PPM1B: variants seen among roughly 807,000 people sequenced by gnomAD.
The protein encoded by PPM1B is protein phosphatase 1B.
Under a neutral mutation model 43.0 loss-of-function variants are expected in PPM1B, and 22 were observed. That is an observed-to-expected ratio of 0.51 (90% CI 0.37 to 0.73). The LOEUF (loss-of-function observed/expected upper bound fraction) is 0.73. Ranked by LOEUF, PPM1B falls within the 30% of genes least tolerant of loss-of-function variation. The pLI is 0.00. For synonymous variants in PPM1B, 217 were observed against 197.9 expected (o/e 1.10, Z -0.81); for missense variants, 632 against 584.2 (o/e 1.08, Z -0.84).
downstream of PPM1B, among the ~76,000 whole-genome samples, chr2:44,237,673 A>G (rs530327259): frequency 6.6e-6 from 1 of 152,130 alleles, no homozygotes; most frequent in South Asian, 2.1e-4. Context: ...GGCAACAGTG[A>G]TTTTTTTTAA....
chr2:44,183,562 C>T (rs1402493969), intron 1 of PPM1B, among the ~76,000 whole-genome samples: 3 of 152,172 alleles, frequency 2.0e-5, no homozygotes, highest in Non-Finnish European at 4.4e-5. Flanking sequence ...GCCTCCTCAT[C>T]ACCACCCAGT....
chr2:44,245,638 G>T (rs1224494503), downstream of PPM1B, among the ~76,000 whole-genome samples: 4 of 152,124 alleles, frequency 2.6e-5, no homozygotes, highest in Admixed American at 2.6e-4. Context: ...CTTAATTAAT[G>T]ACCTTTGTTA....
At chr2:44,203,458 C>T (rs1250876039) in intron 2 of PPM1B, among the ~76,000 whole-genome samples, 1 of 120,070 alleles carries the variant, frequency 8.3e-6, no homozygotes, top group East Asian at 2.5e-4. Context: ...ATGAAAACAG[C>T]ATTTTCCCCA....
chr2:44,209,460 T>G, intron 3 of PPM1B, 133 bp downstream of exon 3: 16 of 944,828 alleles, frequency 1.7e-5, no homozygotes, highest in Non-Finnish European at 2.4e-5. Context: ...AGAGGGAAAG[T>G]ATTCTTTTTG....
At chr2:44,219,474 T>C (rs867623275) in intron 5 of PPM1B, among the ~76,000 whole-genome samples, 5 of 152,112 alleles carry the variant, frequency 3.3e-5, no homozygotes, top group Admixed American at 6.5e-5. Context: ...CAATATAATA[T>C]GATTTCTTTT....
At chr2:44,211,165 A>T (rs1669448374) in intron 3 of PPM1B, among the ~76,000 whole-genome samples, 1 of 152,150 alleles carries the variant, frequency 6.6e-6, no homozygotes, top group Non-Finnish European at 1.5e-5. Context: ...ATTAACGTTG[A>T]TACAATATTA....
At chr2:44,177,705 A>C (rs982450338) in intron 1 of PPM1B, among the ~76,000 whole-genome samples, 1 of 151,554 alleles carries the variant, frequency 6.6e-6, no homozygotes, top group Admixed American at 6.6e-5. Context: ...GACATGAGCC[A>C]CCGCGCCCGG....
downstream of PPM1B, among the ~76,000 whole-genome samples, chr2:44,238,880 T>G (rs1185334748): frequency 6.6e-6 from 1 of 152,060 alleles, no homozygotes; most frequent in Non-Finnish European, 1.5e-5. Context: ...AAAATGTATT[T>G]TAAATGGTTG....
chr2:44,192,827 C>T (rs966638494), intron 1 of PPM1B, among the ~76,000 whole-genome samples: 4 of 152,214 alleles, frequency 2.6e-5, no homozygotes, highest in Admixed American at 1.3e-4. Context: ...ATTTGTCTTT[C>T]TATTCCTGGC....
At chr2:44,217,068 G>C (rs114010925) in intron 3 of PPM1B, among the ~76,000 whole-genome samples, 1 of 151,626 alleles carries the variant, frequency 6.6e-6, no homozygotes. Flanking sequence ...GGAAGTCAAC[G>C]TAAGGGTCTT....
At chr2:44,180,102 A>G (rs942228397) in intron 1 of PPM1B, among the ~76,000 whole-genome samples, 1 of 152,050 alleles carries the variant, frequency 6.6e-6, no homozygotes, top group Non-Finnish European at 1.5e-5. Flanking sequence ...GCTTGGAAGG[A>G]CAGTACTTGA....
At chr2:44,169,824 C>G (rs1667237877) in intron 1 of PPM1B, among the ~76,000 whole-genome samples, 1 of 152,154 alleles carries the variant, frequency 6.6e-6, no homozygotes, top group Non-Finnish European at 1.5e-5. Context: ...TCTTCGTACC[C>G]CGGCATCTCT....
intron 1 of PPM1B, among the ~76,000 whole-genome samples, chr2:44,194,960 G>A (rs1295680173): frequency 4.1e-5 from 6 of 147,206 alleles, no homozygotes; most frequent in Non-Finnish European, 7.5e-5. Context: ...GTGCGGTGGC[G>A]CAATCACTGC....
chr2:44,189,421 T>A (rs1167595207), intron 1 of PPM1B, among the ~76,000 whole-genome samples: 1 of 152,292 alleles, frequency 6.6e-6, no homozygotes, highest in South Asian at 2.1e-4. Context: ...TAGGATTCCC[T>A]CCGCAGTTCT....
intron 1 of PPM1B, among the ~76,000 whole-genome samples, chr2:44,174,147 C>G (rs990984339): frequency 6.6e-6 from 1 of 152,194 alleles, no homozygotes; most frequent in East Asian, 1.9e-4. Context: ...TGGATTCAAA[C>G]TTTTCTCTTG....
At chr2:44,170,424 A>G (rs1667276914) in intron 1 of PPM1B, among the ~76,000 whole-genome samples, 1 of 152,220 alleles carries the variant, frequency 6.6e-6, no homozygotes, top group Admixed American at 6.5e-5. Context: ...ATTTTAGGAA[A>G]AACATTCTTT....
At chr2:44,238,604 A>G (rs138779984), downstream of PPM1B, among the ~76,000 whole-genome samples, 591 of 152,218 alleles carry the variant, frequency 3.9e-3, 10 homozygotes, top group East Asian at 0.027. Context: ...CAGGAGGCTG[A>G]GACAGGAAAA....
chr2:44,188,774 C>T (rs1429672111), intron 1 of PPM1B, among the ~76,000 whole-genome samples: 1 of 144,958 alleles, frequency 6.9e-6, no homozygotes, highest in Non-Finnish European at 1.5e-5. Flanking sequence ...TTCCTTCCTT[C>T]CTTCCTTCCC....
At chr2:44,236,402 CAAA>C (rs61414038), downstream of PPM1B, among the ~76,000 whole-genome samples, 32 of 47,532 alleles carry the variant, frequency 6.7e-4, 2 homozygotes, top group Non-Finnish European at 8.5e-4. Context: ...GACTCCGTCT[CAAA>C]AAAAAAAAAA....
Sources: allele counts gnomAD v4.1 joint callset (sites outside exome capture counted in the v4.1 genomes callset), GRCh38; gene constraint gnomAD v4.1.1; transcripts MANE v1.5; gene names NCBI Gene and HGNC (gene_info 2026-07-23, HGNC 2026-07-21).